The following DENND1A variants were observed in gnomAD, a reference collection of about 807,000 sequenced individuals.
The protein encoded by DENND1A is DENN domain-containing protein 1A.
In DENND1A, 51 loss-of-function variants were observed where a neutral mutation model predicts 113.7. That is an observed-to-expected ratio of 0.45 (90% CI 0.36 to 0.57). The LOEUF is 0.57. DENND1A is among the 20% of genes least tolerant of loss of function. The probability of loss-of-function intolerance (pLI) is 0.00; values close to 1 mark genes in which losing one functional copy is unlikely to be tolerated. For synonymous variants in DENND1A, 565 were observed against 570.8 expected (o/e 0.99, Z 0.14); for missense variants, 1,258 against 1,395.9 (o/e 0.90, Z 1.57).
intron 5 of DENND1A, among the ~76,000 whole-genome samples, chr9:123,705,753 T>C (rs980878101): frequency 4.6e-5 from 7 of 152,240 alleles, no homozygotes; most frequent in Non-Finnish European, 8.8e-5. Flanking sequence ...CAGACTTATC[T>C]GTATTCAGTG....
chr9:123,525,764 T>TTTTC (rs1311189680), intron 13 of DENND1A, among the ~76,000 whole-genome samples: 15 of 150,080 alleles, frequency 1.0e-4, no homozygotes. Context: ...CTACCTTTTT[T>TTTTC]TTTTTTTTTT....
At chr9:123,798,634 A>T (rs1336270611) in intron 2 of DENND1A, 1 of 151,862 alleles carries the variant, frequency 6.6e-6, no homozygotes, top group Non-Finnish European at 1.5e-5. Context: ...TCCTTAAACA[A>T]ATTTATGCTA....
intron 13 of DENND1A, among the ~76,000 whole-genome samples, chr9:123,471,577 C>T (rs964326068): frequency 2.0e-5 from 3 of 152,180 alleles, no homozygotes; most frequent in Admixed American, 6.5e-5. Flanking sequence ...GGAACCTCCA[C>T]GAAGCTGCCT....
intron 13 of DENND1A, among the ~76,000 whole-genome samples, chr9:123,509,249 G>A (rs376941486): frequency 2.0e-5 from 3 of 152,190 alleles, no homozygotes; most frequent in Non-Finnish European, 2.9e-5. Context: ...GAAAAGAAGC[G>A]AGGCAAACAA....
At chr9:123,461,404 G>C (rs1378348048) in intron 13 of DENND1A, among the ~76,000 whole-genome samples, 1 of 152,202 alleles carries the variant, frequency 6.6e-6, no homozygotes, top group African/African-American at 2.4e-5. Context: ...CCTGCTTCCA[G>C]CCACAGGAGC....
intron 5 of DENND1A, among the ~76,000 whole-genome samples, chr9:123,705,063 G>A (rs2066108177): frequency 8.4e-6 from 1 of 118,444 alleles, no homozygotes; most frequent in Non-Finnish European, 1.6e-5. Context: ...CACGCAAGAT[G>A]AATTTAAAAA....
At chr9:123,701,102 AT>A (rs1164145685) in intron 5 of DENND1A, among the ~76,000 whole-genome samples, 1 of 152,234 alleles carries the variant, frequency 6.6e-6, no homozygotes, top group African/African-American at 2.4e-5. Flanking sequence ...CTATAAGACA[AT>A]ATAGGGGAAA....
intron 8 of DENND1A, among the ~76,000 whole-genome samples, chr9:123,663,594 A>G (rs2063350806): frequency 6.6e-6 from 1 of 151,204 alleles, no homozygotes; most frequent in Non-Finnish European, 1.5e-5. Flanking sequence ...TCCTAGAGAA[A>G]GGTTTCATCA....
At chr9:123,671,187 AG>A in intron 7 of DENND1A, 103 bp downstream of exon 7, 1 of 1,320,552 alleles carries the variant, frequency 7.6e-7, no homozygotes, top group Non-Finnish European at 1.1e-6. Flanking sequence ...GGGTAGGGTT[AG>A]GGGAGGTATG....
At chr9:123,592,540 G>A (rs2059506165) in intron 11 of DENND1A, among the ~76,000 whole-genome samples, 1 of 152,058 alleles carries the variant, frequency 6.6e-6, no homozygotes, top group Admixed American at 6.5e-5. Flanking sequence ...ACTAGAATAG[G>A]GTACAAGAGG....
chr9:123,722,646 G>C (rs1014128447), intron 5 of DENND1A, among the ~76,000 whole-genome samples: 1 of 152,246 alleles, frequency 6.6e-6, no homozygotes, highest in Admixed American at 6.5e-5. Context: ...TACAGCTCAG[G>C]CTGTTGCTTC....
intron 12 of DENND1A, among the ~76,000 whole-genome samples, chr9:123,571,946 C>G (rs182436872): frequency 6.6e-6 from 1 of 152,296 alleles, no homozygotes; most frequent in East Asian, 1.9e-4. Flanking sequence ...TAAATGCTTC[C>G]ACATCTTTGA....
At chr9:123,732,828 C>T (rs1160713912) in intron 5 of DENND1A, among the ~76,000 whole-genome samples, 2 of 152,190 alleles carry the variant, frequency 1.3e-5, no homozygotes, top group Non-Finnish European at 2.9e-5. Context: ...TCACTTTTGG[C>T]AAGTTACTTA....
Position 123,583,266 on chromosome 9 carries a change from A to G in DENND1A, c.770T>C (p.Val257Ala), listed in dbSNP as rs759788959. 4 of 1,610,524 alleles carry G rather than the reference A, an allele frequency of 2.5e-6. No homozygotes were observed. The South Asian group carries it at 3.3e-5, about 13-fold the overall frequency. Residue 257 changes from valine to alanine, a missense_variant, in exon 12 of 24, where the codon GTC becomes GCC. Physicochemically the swap from Val to Ala is moderately conservative, Grantham distance 64 (BLOSUM62 0). Transcript: ENST00000394215. ...GACATCATCCAGGGCCATGTTTCTG[A>G]CTTTCTGCAAGGAGAAAAAAATCCA... ...IGIHLSLMEK[V>A]RNMALDDVVI...
chr9:123,498,063 A>T (rs1400976512), intron 13 of DENND1A, among the ~76,000 whole-genome samples: 1 of 152,236 alleles, frequency 6.6e-6, no homozygotes, highest in Non-Finnish European at 1.5e-5. Context: ...AGACACTTGT[A>T]ATAGAAGAAT....
In DENND1A at chr9:123,810,428, A is replaced by G. The variant is rs541237995; in HGVS notation, c.89-17798T>C. On this transcript the variant is annotated intron_variant, in intron 2 of 23. Transcript: ENST00000394215. ...ACAAAGTTTTTAAAAAGAGAAAGAA[A>G]AGGCCAGGAATGGTGGCTCACACCT... Among the ~76,000 whole-genome samples the G allele has an allele frequency of 2.0e-5, 3 of 151,792 alleles. No individual in the cohort carries two copies. The South Asian group carries it at 6.2e-4, about 32-fold the overall frequency.
intron 9 of DENND1A, among the ~76,000 whole-genome samples, chr9:123,643,518 T>C (rs1564872684): frequency 6.6e-6 from 1 of 152,236 alleles, no homozygotes; most frequent in Non-Finnish European, 1.5e-5. Flanking sequence ...CAAGATACAC[T>C]GCTCGAAGGA....
chr9:123,929,464 C>T (rs1482216235), intron 1 of DENND1A, among the ~76,000 whole-genome samples: 4 of 152,178 alleles, frequency 2.6e-5, no homozygotes, highest in Admixed American at 2.6e-4. Flanking sequence ...CTGTGGGGGC[C>T]GCAGGCCTCA....
At chr9:123,666,806 T>C (rs1287895742) in intron 8 of DENND1A, among the ~76,000 whole-genome samples, 3 of 152,212 alleles carry the variant, frequency 2.0e-5, no homozygotes, top group Non-Finnish European at 4.4e-5. Context: ...ATAAAAATCC[T>C]TCCTTGTCTT....
Sources: allele counts gnomAD v4.1 joint callset (sites outside exome capture counted in the v4.1 genomes callset), GRCh38; gene constraint gnomAD v4.1.1; transcripts MANE v1.5; gene names NCBI Gene and HGNC (gene_info 2026-07-23, HGNC 2026-07-21).